ANKRD28: variants seen among roughly 807,000 people sequenced by gnomAD.
ANKRD28 encodes ankyrin repeat domain 28.
In ANKRD28, 44 loss-of-function variants were observed where a neutral mutation model predicts 126.5. The ratio of observed to expected loss-of-function variants is 0.35; its 90% CI spans 0.27 to 0.45. The LOEUF is 0.45. Ranked by LOEUF, ANKRD28 falls within the 20% of genes least tolerant of loss-of-function variation. ANKRD28 has a pLI of 1.00. For synonymous variants in ANKRD28, 442 were observed against 468.5 expected (o/e 0.94, Z 0.73); for missense variants, 1,110 against 1,316.6 (o/e 0.84, Z 2.43).
chr3:15,859,262 C>T, intron 1 of ANKRD28: 2 of 1,435,062 alleles, frequency 1.4e-6, no homozygotes, highest in Non-Finnish European at 1.8e-6. Flanking sequence ...GCAGGACCCC[C>T]GTTTCCCTCG....
Position 15,811,415 on chromosome 3 carries a change from C to A in ANKRD28, c.28-16109G>T, listed in dbSNP as rs569504743. 3.3e-5 allele frequency among the ~76,000 whole-genome samples: 5 copies of A among 152,280 alleles called. No individual in the cohort carries two copies. In the South Asian group the frequency reaches 1.0e-3, roughly 32 times the overall value. On this transcript the variant is annotated intron_variant, in intron 1 of 27. Coordinates refer to the ANKRD28 transcript ENST00000399451. ...AGGGCTTCAGTGAAAGGAGTCTGAACAGCTACTGGATAGGAGAAAAGACAA... is the reference window on the plus strand; with the variant it reads ...AGGGCTTCAGTGAAAGGAGTCTGAAAAGCTACTGGATAGGAGAAAAGACAA...
At chr3:15,822,198 T>C (rs2060957517) in intron 1 of ANKRD28, among the ~76,000 whole-genome samples, 1 of 152,186 alleles carries the variant, frequency 6.6e-6, no homozygotes, top group African/African-American at 2.4e-5. Context: ...AAGTGAAGAC[T>C]AGGACAGAAC....
intron 21 of ANKRD28, chr3:15,684,586 T>TA (rs2067894062): frequency 2.0e-5 from 3 of 152,132 alleles, no homozygotes; most frequent in Admixed American, 6.6e-5. Flanking sequence ...TGATTGTATT[T>TA]AGAAAGTAAA....
intron 17 of ANKRD28, among the ~76,000 whole-genome samples, chr3:15,692,153 A>T (rs1325775344): frequency 2.0e-5 from 3 of 151,166 alleles, no homozygotes; most frequent in African/African-American, 4.8e-5. Flanking sequence ...ATAAAAAAAA[A>T]AAAAAAAAAA....
At chr3:15,706,983 G>A (rs1182319392) in intron 14 of ANKRD28, among the ~76,000 whole-genome samples, 1 of 152,132 alleles carries the variant, frequency 6.6e-6, no homozygotes, top group African/African-American at 2.4e-5. Context: ...CATAAAAAAA[G>A]TTACTTATAA....
At chr3:15,744,770 G>A (rs751763279) in intron 4 of ANKRD28, among the ~76,000 whole-genome samples, 2 of 152,046 alleles carry the variant, frequency 1.3e-5, no homozygotes, top group African/African-American at 4.8e-5. Context: ...TCTAAGTGGT[G>A]GGATTGCTGG....
At chr3:15,848,504 T>C (rs910777737) in intron 1 of ANKRD28, among the ~76,000 whole-genome samples, 10 of 151,780 alleles carry the variant, frequency 6.6e-5, no homozygotes, top group Admixed American at 1.3e-4. Flanking sequence ...GGGAGACCCA[T>C]CTCTACAAAA....
intron 17 of ANKRD28, 106 bp downstream of exon 17, chr3:15,694,633 A>T: frequency 1.2e-6 from 1 of 840,484 alleles, no homozygotes; most frequent in Non-Finnish European, 1.9e-6. Flanking sequence ...GATAACTATT[A>T]CATGGACCAA....
chr3:15,799,913 T>A (rs920116287), upstream of ANKRD28, among the ~76,000 whole-genome samples: 5 of 152,004 alleles, frequency 3.3e-5, no homozygotes, highest in African/African-American at 1.2e-4. Context: ...TCTGGAAGGG[T>A]GGAGATTTAT....
chr3:15,756,530 C>T, intron 3 of ANKRD28: 3 of 985,284 alleles, frequency 3.0e-6, no homozygotes, highest in Non-Finnish European at 2.4e-6. Context: ...GAAGAGAGGT[C>T]TAACGTTGTG....
intron 1 of ANKRD28, among the ~76,000 whole-genome samples, chr3:15,810,003 T>C (rs536594237): frequency 4.7e-4 from 71 of 152,246 alleles, no homozygotes; most frequent in African/African-American, 1.6e-3. Flanking sequence ...TAGGTTTGCA[T>C]AAAATAAGGT....
intron 14 of ANKRD28, among the ~76,000 whole-genome samples, chr3:15,706,071 T>C (rs569825645): frequency 6.6e-6 from 1 of 151,904 alleles, no homozygotes; most frequent in Non-Finnish European, 1.5e-5. Context: ...AATTTTTTTT[T>C]TGTGTGTGTG....
intron 21 of ANKRD28, among the ~76,000 whole-genome samples, chr3:15,681,709 T>C (rs1306493214): frequency 6.6e-6 from 1 of 152,240 alleles, no homozygotes; most frequent in Non-Finnish European, 1.5e-5. Context: ...TTCCATCTTT[T>C]GTCAGTTCTT....
chr3:15,688,595 C>T (rs191308158), intron 18 of ANKRD28, among the ~76,000 whole-genome samples: 10 of 152,216 alleles, frequency 6.6e-5, no homozygotes, highest in Admixed American at 4.6e-4. Flanking sequence ...CTTTGAAGGG[C>T]GGCTCTGGGA....
At chr3:15,775,159 G>A (rs1475449396) in intron 2 of ANKRD28, among the ~76,000 whole-genome samples, 1 of 152,244 alleles carries the variant, frequency 6.6e-6, no homozygotes, top group South Asian at 2.1e-4. Flanking sequence ...TTACAGGCGT[G>A]AGCCACTGTG....
At chr3:15,679,628 A>G (rs2067310942) in intron 21 of ANKRD28, 65 bp from the exon 22 acceptor site, 3 of 1,279,900 alleles carry the variant, frequency 2.3e-6, no homozygotes, top group South Asian at 1.3e-5. Flanking sequence ...TCACAGGTAC[A>G]TGTAAGTGTT....
intron 1 of ANKRD28, among the ~76,000 whole-genome samples, chr3:15,842,587 G>C (rs1008546810): frequency 6.6e-6 from 1 of 152,052 alleles, no homozygotes; most frequent in Non-Finnish European, 1.5e-5. Flanking sequence ...GAGCATAACT[G>C]GGTTGTCTAT....
At chr3:15,858,198 C>T (rs1379302883) in intron 1 of ANKRD28, among the ~76,000 whole-genome samples, 2 of 152,188 alleles carry the variant, frequency 1.3e-5, no homozygotes, top group African/African-American at 2.4e-5. Context: ...TAAATTGCTA[C>T]ATGTGGCTAG....
At position 15,685,892 on chromosome 3, in the gene ANKRD28, G is replaced by C. The variant is rs999576619; in HGVS notation, c.2169+110C>G. 1.4e-5 allele frequency: 11 copies of C among 807,974 alleles called. 1 individual carries two copies. The South Asian group carries it at 2.0e-4, about 15-fold the overall frequency. 50.1% of individuals were successfully genotyped at this position (807,974 alleles called of 1,614,324 possible). On this transcript the variant is annotated intron_variant, in intron 20 of 27. Coordinates refer to ENST00000683139, the MANE Select transcript of ANKRD28 (RefSeq NM_001349278.2). ...CTAAGATACTGAAAGAAATGGTAAAGACTATTTGACGAACATTTAATGAAG... is the reference window on the plus strand; with the variant it reads ...CTAAGATACTGAAAGAAATGGTAAACACTATTTGACGAACATTTAATGAAG...
Sources: allele counts gnomAD v4.1 joint callset (sites outside exome capture counted in the v4.1 genomes callset), GRCh38; gene constraint gnomAD v4.1.1; transcripts MANE v1.5; gene names NCBI Gene and HGNC (gene_info 2026-07-23, HGNC 2026-07-21).